Variants in AP4E1 observed in about 807,000 individuals in gnomAD.
AP4E1 encodes the protein AP-4 complex subunit epsilon-1.
AP4E1 carries 56 observed loss-of-function variants against 128.2 expected under a neutral mutation model. That is an observed-to-expected ratio of 0.44 (90% CI 0.35 to 0.55). The LOEUF (loss-of-function observed/expected upper bound fraction) is 0.55. Among genes scored for constraint, AP4E1 ranks in the 20% least tolerant of loss-of-function variants. AP4E1 has a pLI of 0.00. For synonymous variants in AP4E1, 484 were observed against 473.1 expected (o/e 1.02, Z -0.30); for missense variants, 1,324 against 1,307.7 (o/e 1.01, Z -0.19).
At chr15:51,000,992 T>C in intron 19 of AP4E1, 34 bp from the exon 20 acceptor site, 2 of 1,528,336 alleles carry the variant, frequency 1.3e-6, no homozygotes, top group South Asian at 2.3e-5. Flanking sequence ...TTCACTGTTT[T>C]TGACATATAT....
intron 3 of AP4E1, chr15:50,915,818 CTATA>C (rs1043981524): frequency 1.0e-5 from 5 of 477,318 alleles, no homozygotes; most frequent in African/African-American, 3.9e-5. Context: ...GGTTAGATGA[CTATA>C]TATGTCAGAA....
chr15:50,963,231 A>G (rs1054623435), intron 14 of AP4E1, among the ~76,000 whole-genome samples: 4 of 152,194 alleles, frequency 2.6e-5, no homozygotes, highest in Non-Finnish European at 4.4e-5. Flanking sequence ...CAACCCAGCA[A>G]TCCCACCTCT....
chr15:50,934,523 T>G (rs777507782), intron 7 of AP4E1, 101 bp from the exon 8 acceptor site: 5 of 753,938 alleles, frequency 6.6e-6, no homozygotes, highest in Non-Finnish European at 1.1e-5. Context: ...TTTCTTTCAC[T>G]TCTCTTCTGT....
chr15:50,919,362 G>C (rs1024406125), intron 3 of AP4E1, among the ~76,000 whole-genome samples: 1 of 151,006 alleles, frequency 6.6e-6, no homozygotes, highest in Non-Finnish European at 1.5e-5. Flanking sequence ...GAGAAACCCT[G>C]TCTCTACTAA....
chr15:50,977,708 T>TTTTTTTG (rs1555460358), intron 15 of AP4E1, among the ~76,000 whole-genome samples: 22 of 116,560 alleles, frequency 1.9e-4, no homozygotes, highest in Non-Finnish European at 3.5e-4. Flanking sequence ...CTGTTATGGT[T>TTTTTTTG]TTTTTTTTTT....
chr15:50,945,770 C>T, intron 10 of AP4E1: 1 of 763,970 alleles, frequency 1.3e-6, no homozygotes, highest in Non-Finnish European at 2.4e-6. Flanking sequence ...GAAAAAGCAG[C>T]TAAGGATTAT....
Position 50,969,232 on chromosome 15 carries a change from T to A in AP4E1, c.1966+855T>A, listed in dbSNP as rs28657027. 5.0e-3 allele frequency among the ~76,000 whole-genome samples: 754 copies of A among 152,292 alleles called. 10 individuals are homozygous for A. Among genetic ancestry groups the A allele is most frequent in the African/African-American group, 0.018 (731 of 41,562 alleles). On this transcript the variant is annotated intron_variant, in intron 15 of 20. Coordinates refer to ENST00000261842, the MANE Select transcript of AP4E1 (RefSeq NM_007347.5). ...TGTCCATGTGTTTTCATCATTTAGC[T>A]CCCACTTTTAAGCGAGAACATGCGG...
intron 14 of AP4E1, 125 bp downstream of exon 14, chr15:50,958,919 A>T: frequency 9.3e-7 from 1 of 1,070,518 alleles, no homozygotes. Flanking sequence ...TGAATGTTGG[A>T]GTTCCTTTTC....
chr15:50,916,630 T>C (rs2063634024), intron 3 of AP4E1, among the ~76,000 whole-genome samples: 1 of 152,222 alleles, frequency 6.6e-6, no homozygotes, highest in Non-Finnish European at 1.5e-5. Flanking sequence ...GACAGATGTC[T>C]TGGTAAACAT....
intron 15 of AP4E1, among the ~76,000 whole-genome samples, chr15:50,969,405 G>C (rs746791463): frequency 1.5e-4 from 23 of 152,130 alleles, no homozygotes; most frequent in Non-Finnish European, 2.6e-4. Context: ...GTGCTGGTAG[G>C]TTGACACATA....
chr15:50,916,648 C>G (rs75537325), intron 3 of AP4E1, among the ~76,000 whole-genome samples: 4,081 of 152,286 alleles, frequency 0.027, 182 homozygotes, highest in African/African-American at 0.094. Context: ...CATTCTGAGA[C>G]TGAGTGCACA....
chr15:50,927,550 A>G (rs995364375), intron 5 of AP4E1, among the ~76,000 whole-genome samples: 8 of 133,890 alleles, frequency 6.0e-5, no homozygotes, highest in African/African-American at 2.3e-4. Flanking sequence ...TCATTTACCT[A>G]TTCTCCCCCA....
chr15:50,917,095 T>C (rs1187039437), intron 3 of AP4E1, among the ~76,000 whole-genome samples: 1 of 152,218 alleles, frequency 6.6e-6, no homozygotes, highest in Non-Finnish European at 1.5e-5. Flanking sequence ...ATGGTGTTGC[T>C]CTTTTTAGCT....
In AP4E1 at chr15:51,005,415, C is replaced by G. The variant is rs984230756; in HGVS notation, c.*2753C>G. The G allele has an allele frequency of 6.6e-6, 1 of 152,460 alleles. No homozygotes were observed. Among genetic ancestry groups the G allele is most frequent in the Non-Finnish European group, 1.5e-5 (1 of 68,040 alleles). The allele number at this position is 152,460 out of a possible 1,614,324, so 9.4% of individuals were successfully genotyped here. On this transcript the variant is annotated 3_prime_UTR_variant, in exon 21 of 21. Transcript: ENST00000261842. ...GAGGAAGAAGGGTACCAGAATAGTC[C>G]CTGTGGAGGCAGGCAGATCAGAGCT...
chr15:50,983,483 A>G (rs1245026867), intron 15 of AP4E1, among the ~76,000 whole-genome samples: 1 of 152,198 alleles, frequency 6.6e-6, no homozygotes, highest in East Asian at 1.9e-4. Flanking sequence ...GGATATTGGC[A>G]TCTGTCCTAC....
At chr15:50,911,658 A>G (rs2063568674) in intron 1 of AP4E1, among the ~76,000 whole-genome samples, 1 of 102,498 alleles carries the variant, frequency 9.8e-6, no homozygotes, top group African/African-American at 3.9e-5. Flanking sequence ...TTGTATTTTT[A>G]GTAGGGACGG....
chr15:50,982,889 G>C (rs2064662450), intron 15 of AP4E1, among the ~76,000 whole-genome samples: 2 of 152,026 alleles, frequency 1.3e-5, no homozygotes, highest in South Asian at 4.2e-4. Context: ...TTTGTAATTT[G>C]GGACAAACTC....
intron 14 of AP4E1, among the ~76,000 whole-genome samples, chr15:50,961,209 C>G (rs1277103925): frequency 6.6e-6 from 1 of 151,998 alleles, no homozygotes; most frequent in African/African-American, 2.4e-5. Flanking sequence ...TCTTCTTAAA[C>G]TAGTCCAAAA....
At chr15:50,931,942 A>C (rs1327933610) in intron 7 of AP4E1, among the ~76,000 whole-genome samples, 2 of 151,594 alleles carry the variant, frequency 1.3e-5, no homozygotes, top group African/African-American at 2.4e-5. Context: ...TCTCATGTGT[A>C]TCTTTCCAAC....
Sources: gnomAD v4.1 joint callset for allele counts (sites outside exome capture counted in the v4.1 genomes callset) on GRCh38, gnomAD v4.1.1 for gene constraint, MANE v1.5 for transcripts, NCBI Gene and HGNC (gene_info 2026-07-23, HGNC 2026-07-21) for gene names.